MMP2: variants seen among roughly 807,000 people sequenced by gnomAD.
MMP2 encodes the protein matrix metallopeptidase 2, also known as 72 kDa type IV collagenase.
In MMP2, 39 loss-of-function variants were observed where a neutral mutation model predicts 74.8. That is an observed-to-expected ratio of 0.52 (90% CI 0.40 to 0.68). The LOEUF is 0.68. Among genes scored for constraint, MMP2 ranks in the 30% least tolerant of loss-of-function variants. The pLI is 0.00. For missense variants in MMP2, 803 were observed against 878.3 expected (o/e 0.91, Z 1.08); for synonymous variants, 367 against 339.8 (o/e 1.08, Z -0.88).
At chr16:55,492,889 C>T (rs1962445306) in intron 8 of MMP2, among the ~76,000 whole-genome samples, 1 of 151,564 alleles carries the variant, frequency 6.6e-6, no homozygotes, top group African/African-American at 2.4e-5. Flanking sequence ...GTTTCCTCAC[C>T]TGTGAAATGG....
intron 11 of MMP2, among the ~76,000 whole-genome samples, 154 bp downstream of exon 11, chr16:55,498,602 CTGAGATGTTGCCAAAGG>C (rs1962591269): frequency 6.6e-6 from 1 of 152,220 alleles, no homozygotes; most frequent in South Asian, 2.1e-4. Flanking sequence ...TCTGGCACCT[CTGAGATGTTGCCAAAGG>C]TGAACCATTC....
Position 55,488,616 on chromosome 16 carries a change from T to A in MMP2, c.906T>A (p.Tyr302Ter). 6.2e-7 allele frequency: 1 copy of A among 1,613,988 alleles called. No individual in the cohort carries two copies. The highest frequency in any genetic ancestry group is 8.5e-7 in the Non-Finnish European group (1 of 1,179,960). Residue 302 changes from tyrosine to a stop codon, truncating the protein, a stop_gained, in exon 6 of 13, where the codon TAT becomes TAA. Coordinates refer to ENST00000219070, the MANE Select transcript of MMP2 (RefSeq NM_004530.6). LOFTEE classifies it high-confidence loss of function. ...KFPFRFQGTSYDSCTTEGRTD... is the reference protein window; with the variant it reads ...KFPFRFQGTS ...CATTCCGCTTCCAGGGCACATCCTA[T>A]GACAGCTGCACCACTGAGGGCCGCA...
At chr16:55,488,741 C>T (rs768019049) in intron 6 of MMP2, 25 bp downstream of exon 6, 3 of 1,571,480 alleles carry the variant, frequency 1.9e-6, no homozygotes, top group Admixed American at 3.7e-5. Context: ...CTCTCCCTCC[C>T]TCAGGGCCCA....
At chr16:55,484,759 A>G (rs1376982753) in intron 3 of MMP2, among the ~76,000 whole-genome samples, 1 of 152,240 alleles carries the variant, frequency 6.6e-6, no homozygotes, top group African/African-American at 2.4e-5. Flanking sequence ...AGTAGCACAG[A>G]CATAAAGGTA....
At chr16:55,488,896 T>G in intron 6 of MMP2, 180 bp downstream of exon 6, 1 of 676,596 alleles carries the variant, frequency 1.5e-6, no homozygotes, top group South Asian at 1.8e-5. Context: ...TCACCTGGTA[T>G]GGCCTGGGCA....
intron 1 of MMP2, 127 bp downstream of exon 1, chr16:55,479,759 T>G: frequency 1.7e-6 from 2 of 1,211,478 alleles, no homozygotes; most frequent in Non-Finnish European, 2.4e-6. Context: ...GGTAAACAGC[T>G]TGGGGGGTCT....
intron 9 of MMP2, 70 bp from the exon 10 acceptor site, chr16:55,496,856 G>T (rs1383723702): frequency 5.3e-5 from 85 of 1,599,340 alleles, no homozygotes; most frequent in Admixed American, 1.8e-4. Context: ...GGTGGGTTTG[G>T]GGGTGTGTGT....
In MMP2 at chr16:55,489,743, G is replaced by C; in HGVS notation, c.1099G>C (p.Gly367Arg). 3.1e-6 allele frequency: 5 copies of C among 1,614,116 alleles called. No individual in the cohort carries two copies. Among genetic ancestry groups the C allele is most frequent in the Non-Finnish European group, 4.2e-6 (5 of 1,180,020 alleles). ...CAAATATGAGAGCTGCACCAGCGCC[G>C]GCCGCAGTGACGGAAAGATGTGGTG... Reference protein sequence around the residue: ...GNKYESCTSAGRSDGKMWCAT... With the variant: ...GNKYESCTSARRSDGKMWCAT... The change falls in exon 7 of 13, where the codon GGC (glycine) becomes CGC (arginine). Residue 367 changes from glycine to arginine, a missense_variant. Around this residue, in one of 3 missense-constraint regions of MMP2, gnomAD observed 555 missense variants for 592.0 expected, o/e 0.94. Transcript: ENST00000219070.
At chr16:55,497,207 C>A in intron 10 of MMP2, 145 bp downstream of exon 10, 1 of 1,143,208 alleles carries the variant, frequency 8.7e-7, no homozygotes, top group Non-Finnish European at 1.3e-6. Context: ...TTCATTCTTT[C>A]AACATTATTT....
At chr16:55,486,003 GA>G (rs1364162169) in intron 5 of MMP2, among the ~76,000 whole-genome samples, 1 of 152,072 alleles carries the variant, frequency 6.6e-6, no homozygotes, top group Admixed American at 6.5e-5. Flanking sequence ...AAATCAAGTT[GA>G]TTTTTTTTAA....
intron 1 of MMP2, among the ~76,000 whole-genome samples, 188 bp from the exon 2 acceptor site, chr16:55,482,721 T>C (rs1312945819): frequency 6.6e-6 from 1 of 152,202 alleles, no homozygotes; most frequent in African/African-American, 2.4e-5. Flanking sequence ...GTATGTCCTG[T>C]CGCTCAACTA....
At chr16:55,501,195 G>C (rs147664003) in intron 11 of MMP2, among the ~76,000 whole-genome samples, 1 of 152,322 alleles carries the variant, frequency 6.6e-6, no homozygotes, top group East Asian at 1.9e-4. Flanking sequence ...GGCTAAAGTG[G>C]CTCAAGGAAA....
chr16:55,485,527 A>G lies in MMP2; in HGVS notation c.659-77A>G, dbSNP rs762147045. On this transcript the variant is annotated intron_variant, in intron 4 of 12. Coordinates refer to ENST00000219070, the MANE Select transcript of MMP2 (RefSeq NM_004530.6). Reference sequence around the variant, plus strand: ...AGGTGGGAGGGGAGGAAAGTCACACATCTGGGTGAGTCAGAATCTTGGTCT... The same window carrying G: ...AGGTGGGAGGGGAGGAAAGTCACACGTCTGGGTGAGTCAGAATCTTGGTCT... 245 of 1,611,648 alleles carry G rather than the reference A, an allele frequency of 1.5e-4. No individual in the cohort carries two copies. In the Middle Eastern group the frequency reaches 7.8e-3, roughly 51 times the overall value.
intron 7 of MMP2, 134 bp downstream of exon 7, chr16:55,489,958 G>C: frequency 2.0e-6 from 2 of 977,388 alleles, no homozygotes; most frequent in Non-Finnish European, 1.5e-6. Flanking sequence ...ACCCAGACCC[G>C]CCCACCTGGG....
chr16:55,491,100 C>A (rs1443078883), intron 7 of MMP2, among the ~76,000 whole-genome samples: 1 of 150,566 alleles, frequency 6.6e-6, no homozygotes, highest in African/African-American at 2.5e-5. Flanking sequence ...CGGAGTCTTG[C>A]TCTTGCCCAG....
At position 55,505,490 on chromosome 16, in the gene MMP2, A is replaced by G. The variant is rs1389948912; in HGVS notation, c.*48A>G. On this transcript the variant is annotated 3_prime_UTR_variant, in exon 13 of 13. Coordinates refer to ENST00000219070, the MANE Select transcript of MMP2 (RefSeq NM_004530.6). ...CCTTCCTCTCCACTGCCTTCGATAC[A>G]CCGGGCCTGGAGAACTAGAGAAGGA... 2.0e-6 allele frequency: 3 copies of G among 1,535,016 alleles called. No individual in the cohort carries two copies. In the Admixed American group the frequency reaches 5.0e-5, roughly 26 times the overall value.
In MMP2 at chr16:55,496,945, A is replaced by G. The variant is rs1456430864; in HGVS notation, c.1492A>G (p.Thr498Ala). Reference protein sequence around the residue: ...FKDRFIWRTVTPRDKPMGPLL... With the variant: ...FKDRFIWRTVAPRDKPMGPLL... ...TGCCAGGTTCATTTGGCGGACTGTG[A>G]CGCCACGTGACAAGCCCATGGGGCC... The change falls in exon 10 of 13, where the codon ACG becomes GCG. Residue 498 changes from threonine (T) to alanine (A), a missense_variant. Physicochemically the swap from Thr to Ala is moderately conservative, Grantham distance 58. This residue lies in a region of MMP2 where 555 missense variants were observed against 592.0 expected (regional missense o/e 0.94). Coordinates refer to ENST00000219070, the MANE Select transcript of MMP2 (RefSeq NM_004530.6). 5 of 1,613,906 alleles carry G rather than the reference A, an allele frequency of 3.1e-6. No homozygotes were observed. The highest frequency in any genetic ancestry group is 4.2e-6 in the Non-Finnish European group (5 of 1,180,016).
At chr16:55,485,921 T>TC (rs1309983155) in intron 5 of MMP2, 144 bp downstream of exon 5, 76 of 790,416 alleles carry the variant, frequency 9.6e-5, no homozygotes, top group Admixed American at 1.6e-4. Context: ...TTCACTCAGT[T>TC]CCCCCCCATC....
upstream of MMP2, chr16:55,479,025 G>A (rs988274671): frequency 7.2e-5 from 11 of 152,864 alleles, no homozygotes; most frequent in Admixed American, 3.9e-4. Flanking sequence ...AGTAGCAGGC[G>A]GCCGGGGAAA....
Sources: allele counts gnomAD v4.1 joint callset (sites outside exome capture counted in the v4.1 genomes callset), GRCh38; gene constraint gnomAD v4.1.1; regional missense constraint gnomAD v4.1.1; transcripts MANE v1.5; gene names NCBI Gene and HGNC (gene_info 2026-07-23, HGNC 2026-07-21).